The following LRBA variants were observed in gnomAD, a reference collection of about 807,000 sequenced individuals.
LRBA encodes lipopolysaccharide-responsive and beige-like anchor protein.
A neutral mutation model predicts 330.0 loss-of-function variants in LRBA; 176 were observed. The observed-to-expected ratio is 0.53, with a 90% CI of 0.47 to 0.60. LRBA has a LOEUF of 0.60. Ranked by LOEUF, LRBA falls within the 20% of genes least tolerant of loss-of-function variation. The pLI, the probability that LRBA is intolerant of heterozygous loss-of-function variation, is 0.00. For missense variants in LRBA, 3,259 were observed against 3,444.8 expected (o/e 0.95, Z 1.35); for synonymous variants, 1,230 against 1,193.0 (o/e 1.03, Z -0.64).
intron 53 of LRBA, among the ~76,000 whole-genome samples, chr4:150,288,790 G>GTT (rs1748487701): frequency 8.0e-6 from 1 of 125,204 alleles, no homozygotes; most frequent in Admixed American, 7.9e-5. Flanking sequence ...TGGTGTGATT[G>GTT]TTCTTTTTTT....
intron 55 of LRBA, among the ~76,000 whole-genome samples, chr4:150,279,285 T>TC (rs1365886980): frequency 1.3e-5 from 2 of 152,162 alleles, no homozygotes; most frequent in African/African-American, 2.4e-5. Flanking sequence ...TGTCCCTCCC[T>TC]CCTCCAAAAG....
At chr4:150,634,786 CAA>C in intron 37 of LRBA, among the ~76,000 whole-genome samples, 1 of 152,192 alleles carries the variant, frequency 6.6e-6, no homozygotes, top group East Asian at 1.9e-4. Flanking sequence ...ACTGACCAAA[CAA>C]AGAGGCTGAT....
intron 42 of LRBA, among the ~76,000 whole-genome samples, chr4:150,482,300 T>C (rs555399021): frequency 6.6e-6 from 1 of 152,236 alleles, no homozygotes; most frequent in East Asian, 1.9e-4. Flanking sequence ...ATGCAGCCTT[T>C]TGTTTTGGCT....
At chr4:150,558,264 G>A (rs1767591389) in intron 40 of LRBA, among the ~76,000 whole-genome samples, 1 of 152,010 alleles carries the variant, frequency 6.6e-6, no homozygotes, top group African/African-American at 2.4e-5. Context: ...GGGAGTAATG[G>A]TCCATTTCTT....
At chr4:150,597,464 T>C (rs1184301606) in intron 38 of LRBA, among the ~76,000 whole-genome samples, 1 of 151,884 alleles carries the variant, frequency 6.6e-6, no homozygotes, top group Non-Finnish European at 1.5e-5. Context: ...ATTAACAGCC[T>C]ATCTATGTGC....
chr4:150,746,946 T>A (rs765731694), intron 35 of LRBA, among the ~76,000 whole-genome samples: 1 of 152,176 alleles, frequency 6.6e-6, no homozygotes, highest in Non-Finnish European at 1.5e-5. Flanking sequence ...TGCCCATTCT[T>A]CACTGGGATC....
chr4:150,723,870 C>G (rs968336813), intron 36 of LRBA, among the ~76,000 whole-genome samples: 4 of 152,166 alleles, frequency 2.6e-5, no homozygotes, highest in African/African-American at 9.7e-5. Flanking sequence ...GCATTCATCA[C>G]AAGCTGACAG....
chr4:150,684,449 TATTC>T (rs1783347224), intron 36 of LRBA, among the ~76,000 whole-genome samples: 1 of 152,184 alleles, frequency 6.6e-6, no homozygotes, highest in African/African-American at 2.4e-5. Context: ...ACCCCAAATC[TATTC>T]ATTTTGTGTT....
chr4:150,328,381 G>C (rs561691395), intron 48 of LRBA, among the ~76,000 whole-genome samples: 26 of 152,194 alleles, frequency 1.7e-4, no homozygotes, highest in Non-Finnish European at 3.5e-4. Context: ...TCATATAAAA[G>C]AGAAATTTAA....
At chr4:150,536,829 A>G (rs1764703901) in intron 40 of LRBA, among the ~76,000 whole-genome samples, 1 of 152,184 alleles carries the variant, frequency 6.6e-6, no homozygotes, top group Admixed American at 6.5e-5. Flanking sequence ...AAGAAATCAG[A>G]GATCACACAA....
At chr4:150,457,179 G>A (rs1426769105) in intron 44 of LRBA, among the ~76,000 whole-genome samples, 1 of 151,898 alleles carries the variant, frequency 6.6e-6, no homozygotes, top group Non-Finnish European at 1.5e-5. Context: ...CCAAAAACTT[G>A]CTTCAAATGA....
chr4:150,768,927 C>CTTTTTTTTT (rs70941440), intron 34 of LRBA, among the ~76,000 whole-genome samples: 3 of 75,026 alleles, frequency 4.0e-5, no homozygotes, highest in African/African-American at 1.5e-4. Flanking sequence ...GTGCTGTCTC[C>CTTTTTTTTT]TTTTTTTTTT....
intron 56 of LRBA, among the ~76,000 whole-genome samples, chr4:150,273,178 T>C (rs1270791907): frequency 1.3e-5 from 2 of 152,150 alleles, no homozygotes; most frequent in Admixed American, 1.3e-4. Flanking sequence ...AAGAAAATAA[T>C]TCTCAACCCA....
intron 35 of LRBA, among the ~76,000 whole-genome samples, chr4:150,753,035 A>G (rs1428289656): frequency 6.6e-6 from 1 of 152,136 alleles, no homozygotes; most frequent in African/African-American, 2.4e-5. Context: ...ACCACCTTCT[A>G]TCTTCTTATA....
intron 37 of LRBA, among the ~76,000 whole-genome samples, chr4:150,681,318 G>C (rs558259749): frequency 6.6e-6 from 1 of 152,290 alleles, no homozygotes; most frequent in South Asian, 2.1e-4. Context: ...TCATACAAGG[G>C]AAATCAGAGA....
rs1279357586 is a variant in LRBA, at chr4:150,742,147, A to AT, written c.5646-6782dup. 2.2e-4 allele frequency among the ~76,000 whole-genome samples: 31 copies of AT among 140,240 alleles called. 1 individual carries two copies. Among genetic ancestry groups the AT allele is most frequent in the Middle Eastern group, 3.6e-3 (1 of 280 alleles). 92.0% of individuals were successfully genotyped at this position (140,240 alleles called of 152,430 possible). ...TATTATTATCATTATTATTATTATTATTATTTTTTTTTTTTAGGGACAGAG... is the reference window on the plus strand; with the variant it reads ...TATTATTATCATTATTATTATTATTATTTATTTTTTTTTTTTAGGGACAGAG... On this transcript the variant is annotated intron_variant, in intron 35 of 56. Coordinates refer to ENST00000651943, the MANE Select transcript of LRBA (RefSeq NM_001364905.1).
chr4:150,719,411 A>G (rs1728640497), intron 36 of LRBA, among the ~76,000 whole-genome samples: 1 of 152,144 alleles, frequency 6.6e-6, no homozygotes, highest in South Asian at 2.1e-4. Flanking sequence ...TAAGAAATAG[A>G]TTCCAGGTTA....
At chr4:150,989,972 T>A (rs1429654486) in intron 2 of LRBA, among the ~76,000 whole-genome samples, 1 of 151,936 alleles carries the variant, frequency 6.6e-6, no homozygotes, top group Admixed American at 6.6e-5. Context: ...GAAAAAAAAT[T>A]TTTAATTAGA....
At chr4:150,821,930 C>T (rs575038575) in intron 30 of LRBA, among the ~76,000 whole-genome samples, 79 of 152,196 alleles carry the variant, frequency 5.2e-4, no homozygotes, top group Middle Eastern at 3.4e-3. Context: ...TCCAGCTATT[C>T]CTTGGAAGTT....
Sources: allele counts gnomAD v4.1 joint callset (sites outside exome capture counted in the v4.1 genomes callset), GRCh38; gene constraint gnomAD v4.1.1; transcripts MANE v1.5; gene names NCBI Gene and HGNC (gene_info 2026-07-23, HGNC 2026-07-21).